The following DNM3 variants were observed in gnomAD, a reference collection of about 807,000 sequenced individuals.
DNM3 encodes the protein dynamin-3.
Under a neutral mutation model 101.6 loss-of-function variants are expected in DNM3, and 47 were observed. That is an observed-to-expected ratio of 0.46 (90% confidence interval 0.37 to 0.59). DNM3 has a LOEUF of 0.59. Ranked by LOEUF, DNM3 falls within the 20% of genes least tolerant of loss-of-function variation. The pLI is 0.00. For synonymous variants in DNM3, 385 were observed against 387.9 expected (o/e 0.99, Z 0.09); for missense variants, 849 against 1,085.7 (o/e 0.78, Z 3.06).
intron 12 of DNM3, among the ~76,000 whole-genome samples, chr1:172,085,776 C>G (rs897347901): frequency 6.6e-6 from 1 of 152,142 alleles, no homozygotes; most frequent in African/African-American, 2.4e-5. Flanking sequence ...AACCTTGCCA[C>G]TAAATTCCAG....
chr1:172,081,592 G>C (rs1261081650), intron 11 of DNM3, among the ~76,000 whole-genome samples: 3 of 152,108 alleles, frequency 2.0e-5, no homozygotes, highest in African/African-American at 7.2e-5. Flanking sequence ...ATGCTTATAA[G>C]TTATAATGCT....
At chr1:171,880,959 G>A (rs1322122022) in intron 1 of DNM3, among the ~76,000 whole-genome samples, 1 of 152,004 alleles carries the variant, frequency 6.6e-6, no homozygotes, top group African/African-American at 2.4e-5. Flanking sequence ...ATGGGTACAT[G>A]TGATAGACTT....
intron 1 of DNM3, among the ~76,000 whole-genome samples, chr1:171,920,729 G>T (rs1024954255): frequency 6.6e-6 from 1 of 152,196 alleles, no homozygotes; most frequent in African/African-American, 2.4e-5. Context: ...GTAATATTAT[G>T]TAGTACTATC....
Position 172,183,715 on chromosome 1 carries a change from C to T in DNM3, c.1659+52427C>T, listed in dbSNP as rs867200616. Among the ~76,000 whole-genome samples, 17 of 151,756 alleles carry T rather than the reference C, an allele frequency of 1.1e-4. No individual in the cohort carries two copies. In the South Asian group the frequency reaches 3.3e-3, roughly 30 times the overall value. ...TCCTGGGCCCAAGCAATGCTCCCAC[C>T]TCAGCCTCCTGAGTAGCTAGGACTA... On this transcript the variant is annotated intron_variant, in intron 14 of 20. Transcript: ENST00000627582.
At chr1:172,083,360 T>C (rs2053297607) in intron 12 of DNM3, among the ~76,000 whole-genome samples, 1 of 152,172 alleles carries the variant, frequency 6.6e-6, no homozygotes, top group South Asian at 2.1e-4. Flanking sequence ...GACACACAAG[T>C]AAAAATTTAA....
rs750089348 is a variant in DNM3, at chr1:172,081,906, C to T, written c.1493+4C>T. On this transcript the variant is annotated splice_donor_region_variant and intron_variant, in intron 12 of 20. Transcript: ENST00000627582. ...AAGACTTCATTGGCTTCGCAAAGTACGTGAAACACTTGATGGCCACATGCA... is the reference window on the plus strand; with the variant it reads ...AAGACTTCATTGGCTTCGCAAAGTATGTGAAACACTTGATGGCCACATGCA... The T allele has an allele frequency of 2.2e-5, 35 of 1,611,944 alleles. No homozygotes were observed. The highest frequency in any genetic ancestry group is 6.7e-5 in the Admixed American group (4 of 59,778).
intron 2 of DNM3, among the ~76,000 whole-genome samples, chr1:171,958,646 G>A (rs796252968): frequency 8.5e-5 from 13 of 152,288 alleles, no homozygotes; most frequent in African/African-American, 3.1e-4. Flanking sequence ...ATTACAATGG[G>A]CAGGATAGAT....
At position 172,084,109 on chromosome 1, in the gene DNM3, T is replaced by C. The variant is rs2053357313; in HGVS notation, c.1493+2207T>C. On this transcript the variant is annotated intron_variant, in intron 12 of 20. Transcript: ENST00000627582. Reference sequence around the variant, plus strand: ...AGGTTGTTTTTCCAGGATATGCCACTGATGAGCTTTGGGTTTTGGCAAGGT... The same window carrying C: ...AGGTTGTTTTTCCAGGATATGCCACCGATGAGCTTTGGGTTTTGGCAAGGT... Among the ~76,000 whole-genome samples the C allele has an allele frequency of 2.0e-5, 3 of 152,316 alleles. No homozygotes were observed. The South Asian group carries it at 6.2e-4, about 32-fold the overall frequency.
chr1:172,057,842 A>G (rs9699505), intron 10 of DNM3, among the ~76,000 whole-genome samples: 1 of 142,800 alleles, frequency 7.0e-6, no homozygotes, highest in Non-Finnish European at 1.5e-5. Context: ...TCACACATAA[A>G]AATATTAACT....
chr1:172,233,759 C>T (rs2148618933), intron 14 of DNM3, among the ~76,000 whole-genome samples: 1 of 152,196 alleles, frequency 6.6e-6, no homozygotes, highest in South Asian at 2.1e-4. Context: ...TAAATGTAAT[C>T]CAGCATATAA....
At chr1:171,921,576 C>CT (rs956406814) in intron 1 of DNM3, among the ~76,000 whole-genome samples, 172 bp from the exon 2 acceptor site, 2 of 151,854 alleles carry the variant, frequency 1.3e-5, no homozygotes, top group African/African-American at 2.4e-5. Flanking sequence ...CCTCCTCCTC[C>CT]TTTTTTTTAA....
At chr1:171,994,420 C>T (rs776094615) in intron 4 of DNM3, among the ~76,000 whole-genome samples, 6 of 152,070 alleles carry the variant, frequency 3.9e-5, no homozygotes, top group South Asian at 2.1e-4. Flanking sequence ...GTCAGTAAAT[C>T]GCTAAACATT....
chr1:172,059,645 AC>A (rs1234601752), intron 10 of DNM3, among the ~76,000 whole-genome samples: 1 of 79,868 alleles, frequency 1.3e-5, no homozygotes, highest in Non-Finnish European at 2.3e-5. Flanking sequence ...AAATTCAACA[AC>A]CCTTCATGCT....
intron 14 of DNM3, among the ~76,000 whole-genome samples, chr1:172,149,704 T>C (rs564440435): frequency 6.6e-6 from 1 of 152,296 alleles, no homozygotes; most frequent in East Asian, 1.9e-4. Flanking sequence ...GAATATTGAC[T>C]CCTGATGTCT....
intron 6 of DNM3, among the ~76,000 whole-genome samples, chr1:172,037,107 T>C (rs1303237772): frequency 6.6e-6 from 1 of 152,036 alleles, no homozygotes; most frequent in Non-Finnish European, 1.5e-5. Flanking sequence ...CTCACACCAG[T>C]TAGAATGGCA....
chr1:172,180,179 G>A (rs2059294970), intron 14 of DNM3, among the ~76,000 whole-genome samples: 2 of 152,052 alleles, frequency 1.3e-5, no homozygotes, highest in East Asian at 1.9e-4. Context: ...CTCAAGATCA[G>A]TAAATTAATT....
rs547753526 is a variant in DNM3 at position 172,369,404 on chromosome 1, A to T, written c.1894-9614A>T. Among the ~76,000 whole-genome samples the T allele has an allele frequency of 3.3e-5, 5 of 152,056 alleles. No individual in the cohort carries two copies. The South Asian group carries it at 1.0e-3, about 32-fold the overall frequency. On this transcript the variant is annotated intron_variant, in intron 17 of 20. Transcript: ENST00000627582. Reference sequence around the variant, plus strand: ...AATCATCTCAATAGATACAGATAAAAATTTTTACAAAATTCAACATCACTT... The same window carrying T: ...AATCATCTCAATAGATACAGATAAATATTTTTACAAAATTCAACATCACTT...
intron 14 of DNM3, among the ~76,000 whole-genome samples, chr1:172,234,361 C>A (rs2061454280): frequency 6.6e-6 from 1 of 152,108 alleles, no homozygotes; most frequent in Non-Finnish European, 1.5e-5. Flanking sequence ...AGGAGAACTA[C>A]AAACCACTGC....
intron 15 of DNM3, among the ~76,000 whole-genome samples, chr1:172,302,416 T>A (rs1211753966): frequency 6.6e-6 from 1 of 152,236 alleles, no homozygotes; most frequent in African/African-American, 2.4e-5. Flanking sequence ...GCCTGCTACC[T>A]CTATGGACTC....
Sources: allele counts gnomAD v4.1 joint callset (sites outside exome capture counted in the v4.1 genomes callset), GRCh38; gene constraint gnomAD v4.1.1; transcripts MANE v1.5; gene names NCBI Gene and HGNC (gene_info 2026-07-23, HGNC 2026-07-21).